Variants in DNAH17 observed in about 807,000 individuals in gnomAD.
DNAH17 encodes the protein dynein axonemal heavy chain 17, also known as axonemal beta dynein heavy chain 17.
DNAH17 carries 376 observed loss-of-function variants against 485.6 expected under a neutral mutation model. That is an observed-to-expected ratio of 0.77 (90% CI 0.71 to 0.84). The LOEUF is 0.84. DNAH17 is among the 40% of genes least tolerant of loss of function. The probability of loss-of-function intolerance (pLI) is 0.00; values close to 1 mark genes in which losing one functional copy is unlikely to be tolerated. For missense variants in DNAH17, 6,370 were observed against 5,839.3 expected, an observed-to-expected ratio of 1.09 and a Z score of -2.96; for synonymous variants, 3,031 against 2,405.9, an observed-to-expected ratio of 1.26 and a Z score of -7.60.
At chr17:78,491,345 G>C (rs1353819510) in intron 43 of DNAH17, 98 bp downstream of exon 43, 5 of 1,485,414 alleles carry the variant, frequency 3.4e-6, no homozygotes, top group Non-Finnish European at 4.5e-6. Flanking sequence ...CGCCAAGCCT[G>C]GCATGCAGGG....
At chr17:78,556,109 C>T (rs969965410) in intron 14 of DNAH17, among the ~76,000 whole-genome samples, 7 of 152,158 alleles carry the variant, frequency 4.6e-5, no homozygotes, top group African/African-American at 1.7e-4. Context: ...CCATCTCCAT[C>T]CATCCATCTG....
chr17:78,462,745 C>T (rs2088199616), intron 57 of DNAH17, 99 bp downstream of exon 57: 6 of 1,188,122 alleles, frequency 5.0e-6, no homozygotes, highest in Non-Finnish European at 7.3e-6. Context: ...CAGTGCTGAG[C>T]CCCAGTGTGA....
chr17:78,441,597 CCT>C lies in DNAH17; in HGVS notation c.11529-400_11529-399del, dbSNP rs141224976. ...AAAGCAACTTCAGATGATATAAACA[CCT>C]CTCTCTACAAAAGCCCCCAACTCTT... On this transcript the variant is annotated intron_variant, in intron 71 of 80. Transcript: ENST00000389840. Among the ~76,000 whole-genome samples, 734 of 152,214 alleles carry C rather than the reference CCT, an allele frequency of 4.8e-3. 10 individuals are homozygous for C. Among genetic ancestry groups the C allele is most frequent in the African/African-American group, 0.017 (709 of 41,530 alleles).
intron 64 of DNAH17, among the ~76,000 whole-genome samples, chr17:78,453,872 GTTT>G (rs2087666583): frequency 2.0e-5 from 3 of 151,728 alleles, no homozygotes; most frequent in African/African-American, 7.3e-5. Flanking sequence ...TTGTTTGTTT[GTTT>G]TTTGTTTTTT....
chr17:78,462,099 G>A (rs1254439591), intron 57 of DNAH17, among the ~76,000 whole-genome samples: 1 of 152,066 alleles, frequency 6.6e-6, no homozygotes, highest in African/African-American at 2.4e-5. Flanking sequence ...TTGAGCCCAG[G>A]AAGTCCAGGC....
intron 25 of DNAH17, among the ~76,000 whole-genome samples, chr17:78,517,245 T>C (rs936871111): frequency 1.3e-5 from 2 of 152,254 alleles, no homozygotes; most frequent in African/African-American, 2.4e-5. Flanking sequence ...GGTTTTGCCA[T>C]GTTGGCCAGA....
rs75087686 is a variant in DNAH17, at chr17:78,449,973, G to A, written c.11040+281C>T. ...TGACAGGCATGAGCCACCATGCCAGGCCATCCAGTTTGTTTTGATTGGGTT... is the reference window on the plus strand; with the variant it reads ...TGACAGGCATGAGCCACCATGCCAGACCATCCAGTTTGTTTTGATTGGGTT... On this transcript the variant is annotated intron_variant, in intron 68 of 80. Transcript: ENST00000389840. 4,738 of 505,700 alleles carry A rather than the reference G, an allele frequency of 9.4e-3. 185 individuals are homozygous for A. The highest frequency in any genetic ancestry group is 0.077 in the African/African-American group (4,032 of 52,474). 31.3% of individuals were successfully genotyped at this position (505,700 alleles called of 1,614,324 possible).
intron 50 of DNAH17, 134 bp downstream of exon 50, chr17:78,479,351 A>C: frequency 2.4e-6 from 3 of 1,248,018 alleles, no homozygotes; most frequent in Non-Finnish European, 3.2e-6. Flanking sequence ...CTCCTGTCGA[A>C]ACATAGCATC....
chr17:78,513,740 T>C (rs1274024227), intron 26 of DNAH17, among the ~76,000 whole-genome samples: 1 of 152,192 alleles, frequency 6.6e-6, no homozygotes, highest in Non-Finnish European at 1.5e-5. Flanking sequence ...CCGGCTTTCC[T>C]CTATTTAATC....
intron 29 of DNAH17, 82 bp downstream of exon 29, chr17:78,507,196 A>T (rs1241907624): frequency 4.5e-5 from 68 of 1,520,274 alleles, no homozygotes; most frequent in South Asian, 3.3e-4. Context: ...AGCAGGCTGC[A>T]CAAGACTTAA....
chr17:78,567,139 G>T lies in DNAH17; in HGVS notation c.1312C>A (p.Leu438Met), dbSNP rs768388324. The T allele has an allele frequency of 2.7e-5, 43 of 1,607,654 alleles. No individual in the cohort carries two copies. The Middle Eastern group carries it at 6.6e-4, about 25-fold the overall frequency. The part of the protein sequence containing the change: ...EELYKTAIEF[L>M]KLEKIELGGV... ...CCAAGCTCGATTTTCTCCAGCTTCA[G>T]AAACTCAATTGCTGTTTTATAGAGT... Residue 438 changes from leucine to methionine, a missense_variant, in exon 10 of 81, where the codon CTG (leucine) becomes ATG (methionine). Transcript: ENST00000389840.
At chr17:78,527,796 T>C (rs2091118067) in intron 22 of DNAH17, among the ~76,000 whole-genome samples, 1 of 152,228 alleles carries the variant, frequency 6.6e-6, no homozygotes, top group South Asian at 2.1e-4. Flanking sequence ...TATTCATTTT[T>C]GAGACAGAGT....
chr17:78,453,328 G>A lies in DNAH17; in HGVS notation c.10529+15C>T, dbSNP rs755877082. The A allele has an allele frequency of 3.1e-6, 5 of 1,612,010 alleles. No individual in the cohort carries two copies. In the East Asian group the frequency reaches 8.9e-5, roughly 29 times the overall value. On this transcript the variant is annotated intron_variant, in intron 65 of 80. Coordinates refer to ENST00000389840, the MANE Select transcript of DNAH17 (RefSeq NM_173628.4). ...TGTTTACCTGGCTCAAGCCACGGAG[G>A]CGGAAACAACTCACTTTCCCTTTTT...
chr17:78,426,689 G>T lies in DNAH17; in HGVS notation c.12772-89C>A, dbSNP rs562402129. 109 of 1,499,126 alleles carry T rather than the reference G, an allele frequency of 7.3e-5. No homozygotes were observed. The Middle Eastern group carries it at 8.3e-4, about 11-fold the overall frequency. 92.9% of individuals were successfully genotyped at this position (1,499,126 alleles called of 1,614,324 possible). On this transcript the variant is annotated intron_variant, in intron 78 of 80. Transcript: ENST00000389840. Reference sequence around the variant, plus strand: ...GTGCGTGTCATGAGTTGTCAACACAGTGTGGCTTTGTGCTGCGCCTCTGGA... The same window carrying T: ...GTGCGTGTCATGAGTTGTCAACACATTGTGGCTTTGTGCTGCGCCTCTGGA...
intron 74 of DNAH17, among the ~76,000 whole-genome samples, chr17:78,435,353 A>G (rs1318722176): frequency 6.6e-6 from 1 of 151,936 alleles, no homozygotes; most frequent in African/African-American, 2.4e-5. Context: ...TACAGGTTCC[A>G]CCCACCACCG....
At chr17:78,430,730 A>G (rs1287736053) in intron 75 of DNAH17, among the ~76,000 whole-genome samples, 4 of 151,900 alleles carry the variant, frequency 2.6e-5, no homozygotes, top group South Asian at 2.1e-4. Flanking sequence ...ACAGGTGCAC[A>G]CCACCATAGC....
chr17:78,461,717 G>C lies in DNAH17; in HGVS notation c.9175-9C>G. On this transcript the variant is annotated splice_polypyrimidine_tract_variant and intron_variant, in intron 57 of 80. Transcript: ENST00000389840. ...GCTTTCAAATCATCCACCTGGGGAA[G>C]GAGAAACCGAGAAACAGCAAGTGTG... is the stretch of plus-strand genomic sequence containing the variant. 6.2e-7 allele frequency: 1 copy of C among 1,606,962 alleles called. No homozygotes were observed. Among genetic ancestry groups the C allele is most frequent in the Non-Finnish European group, 8.5e-7 (1 of 1,176,842 alleles).
intron 26 of DNAH17, among the ~76,000 whole-genome samples, chr17:78,514,191 A>AT (rs2090713679): frequency 6.6e-6 from 1 of 152,164 alleles, no homozygotes; most frequent in South Asian, 2.1e-4. Flanking sequence ...CAAAATGGAA[A>AT]TGCGGGAACT....
rs61742178 is a variant in DNAH17 at position 78,429,137 on chromosome 17, G to C, written c.12389C>G (p.Pro4130Arg). 1,044 of 1,613,406 alleles carry C rather than the reference G, an allele frequency of 6.5e-4. 6 individuals carry two copies. In the African/African-American group the frequency reaches 0.012, roughly 18 times the overall value. The change falls in exon 76 of 81, where the codon CCC becomes CGC. Residue 4130 changes from proline (P) to arginine (R), a missense_variant. Coordinates refer to ENST00000389840, the MANE Select transcript of DNAH17 (RefSeq NM_173628.4). ...CATCCTTACCTTGTAGTCCAGGTTGGGGGGGATCTGAAAGCCGGGGGCCAG... is the reference window on the plus strand; with the variant it reads ...CATCCTTACCTTGTAGTCCAGGTTGCGGGGGATCTGAAAGCCGGGGGCCAG... ...VLLAPGFQIP[P>R]NLDYKGYHEY...
Sources: gnomAD v4.1 joint callset for allele counts (sites outside exome capture counted in the v4.1 genomes callset) on GRCh38, gnomAD v4.1.1 for gene constraint, MANE v1.5 for transcripts, NCBI Gene and HGNC (gene_info 2026-07-23, HGNC 2026-07-21) for gene names.